POU6F2: variants seen among roughly 807,000 people sequenced by gnomAD.
POU6F2 encodes the protein POU class 6 homeobox 2, also known as POU domain, class 6, transcription factor 2.
Under a neutral mutation model 71.3 loss-of-function variants are expected in POU6F2, and 31 were observed. That is an observed-to-expected ratio of 0.43 (90% CI 0.33 to 0.59). POU6F2 has a LOEUF of 0.59. POU6F2 is among the 20% of genes least tolerant of loss of function. The probability of loss-of-function intolerance (pLI) is 0.04; values close to 1 mark genes in which losing one functional copy is unlikely to be tolerated. For synonymous variants in POU6F2, 347 were observed against 355.7 expected (o/e 0.98, Z 0.27); for missense variants, 783 against 856.8 (o/e 0.91, Z 1.07).
At chr7:39,458,385 CT>C (rs983877426) in intron 8 of POU6F2, among the ~76,000 whole-genome samples, 29 of 71,578 alleles carry the variant, frequency 4.1e-4, no homozygotes, top group South Asian at 1.0e-3. Flanking sequence ...TTAGCAAGTG[CT>C]TTTTTTTTTA....
chr7:39,310,411 G>A (rs1178244861), intron 4 of POU6F2, among the ~76,000 whole-genome samples: 1 of 152,056 alleles, frequency 6.6e-6, no homozygotes, highest in South Asian at 2.1e-4. Flanking sequence ...ACGAGACTCA[G>A]GAACACAAAG....
chr7:39,120,665 T>TA (rs1309956798), intron 2 of POU6F2, among the ~76,000 whole-genome samples: 1 of 152,232 alleles, frequency 6.6e-6, no homozygotes, highest in Non-Finnish European at 1.5e-5. Context: ...ATGAAATCAA[T>TA]GTAGTAGGTT....
chr7:39,290,265 A>G (rs1346630556), intron 4 of POU6F2, among the ~76,000 whole-genome samples: 3 of 152,138 alleles, frequency 2.0e-5, no homozygotes, highest in Non-Finnish European at 4.4e-5. Context: ...ATCCCCATTC[A>G]GAATCCAGAT....
At chr7:39,174,297 C>T (rs1297284005) in intron 2 of POU6F2, among the ~76,000 whole-genome samples, 2 of 152,184 alleles carry the variant, frequency 1.3e-5, no homozygotes, top group African/African-American at 4.8e-5. Flanking sequence ...TTAGAAAACA[C>T]ACCTGGAACC....
chr7:39,060,098 C>A (rs960455780), intron 1 of POU6F2, among the ~76,000 whole-genome samples: 4 of 152,004 alleles, frequency 2.6e-5, no homozygotes, highest in African/African-American at 4.8e-5. Flanking sequence ...ATCCCAGCTA[C>A]TCGAGAGGCT....
intron 4 of POU6F2, among the ~76,000 whole-genome samples, chr7:39,326,474 A>G (rs1394433222): frequency 1.3e-5 from 2 of 152,256 alleles, no homozygotes; most frequent in Non-Finnish European, 2.9e-5. Flanking sequence ...TCAAGAATCA[A>G]TGTTTCCATA....
chr7:39,003,380 G>A (rs1176250628), intron 1 of POU6F2, among the ~76,000 whole-genome samples: 30 of 151,530 alleles, frequency 2.0e-4, no homozygotes, highest in Admixed American at 2.0e-3. Flanking sequence ...GAAATACTCA[G>A]CGACCTGGAT....
intron 1 of POU6F2, among the ~76,000 whole-genome samples, chr7:38,990,914 G>T (rs1206096695): frequency 1.3e-5 from 2 of 152,088 alleles, no homozygotes; most frequent in African/African-American, 4.8e-5. Flanking sequence ...AAGGATACGA[G>T]TTGGAGATTT....
intron 5 of POU6F2, among the ~76,000 whole-genome samples, chr7:39,401,003 G>A (rs1388174570): frequency 2.0e-5 from 3 of 152,128 alleles, no homozygotes; most frequent in Non-Finnish European, 4.4e-5. Flanking sequence ...GTCCCTGCTG[G>A]TGCACTTCCT....
chr7:39,186,941 G>T (rs1309083142), intron 2 of POU6F2, among the ~76,000 whole-genome samples: 1 of 152,160 alleles, frequency 6.6e-6, no homozygotes, highest in African/African-American at 2.4e-5. Context: ...CAGGCCTGCC[G>T]CCTGCTCTGT....
At chr7:39,192,137 A>G (rs1303315164) in intron 2 of POU6F2, among the ~76,000 whole-genome samples, 6 of 152,180 alleles carry the variant, frequency 3.9e-5, no homozygotes, top group Non-Finnish European at 8.8e-5. Flanking sequence ...CTCTATTACC[A>G]TAAGGGTTTG....
intron 7 of POU6F2, among the ~76,000 whole-genome samples, chr7:39,451,054 C>CCA (rs1308352867): frequency 1.3e-5 from 2 of 152,074 alleles, no homozygotes; most frequent in African/African-American, 4.8e-5. Context: ...GAGGAAGTTC[C>CCA]CACACACACT....
intron 1 of POU6F2, among the ~76,000 whole-genome samples, chr7:39,011,021 C>T (rs1273996594): frequency 7.3e-6 from 1 of 137,906 alleles, no homozygotes; most frequent in African/African-American, 2.7e-5. Context: ...GTGGAGAGTT[C>T]TGTAGATGTC....
intron 2 of POU6F2, among the ~76,000 whole-genome samples, chr7:39,127,042 T>A (rs2128728684): frequency 6.6e-6 from 1 of 152,220 alleles, no homozygotes; most frequent in East Asian, 1.9e-4. Context: ...ACAATATATT[T>A]TATTTAACCT....
chr7:39,233,526 A>C (rs1794616283), intron 4 of POU6F2, among the ~76,000 whole-genome samples: 1 of 152,178 alleles, frequency 6.6e-6, no homozygotes, highest in Non-Finnish European at 1.5e-5. Context: ...AGGCTGATCT[A>C]CTTCCCTCCC....
intron 4 of POU6F2, among the ~76,000 whole-genome samples, chr7:39,264,606 C>A (rs1423322873): frequency 6.6e-6 from 1 of 152,212 alleles, no homozygotes; most frequent in Non-Finnish European, 1.5e-5. Context: ...ATTTACCCGT[C>A]TGGCTCCCCT....
At chr7:39,019,341 T>C (rs993620208) in intron 1 of POU6F2, among the ~76,000 whole-genome samples, 5 of 152,324 alleles carry the variant, frequency 3.3e-5, no homozygotes, top group African/African-American at 1.2e-4. Context: ...AAGATAAACA[T>C]TGTAATCTCT....
intron 2 of POU6F2, among the ~76,000 whole-genome samples, chr7:39,133,388 AAG>A (rs1792328470): frequency 6.6e-6 from 1 of 152,346 alleles, no homozygotes; most frequent in East Asian, 1.9e-4. Flanking sequence ...TGCTGTGTAA[AAG>A]AGAGCAGGGC....
chr7:39,098,466 A>AT (rs1554318539), intron 2 of POU6F2, among the ~76,000 whole-genome samples: 3 of 149,882 alleles, frequency 2.0e-5, no homozygotes, highest in African/African-American at 4.9e-5. Flanking sequence ...TTTGCAAGAG[A>AT]GGGGGGGTCT....
Sources: gnomAD v4.1 joint callset for allele counts (sites outside exome capture counted in the v4.1 genomes callset) on GRCh38, gnomAD v4.1.1 for gene constraint, MANE v1.5 for transcripts, NCBI Gene and HGNC (gene_info 2026-07-23, HGNC 2026-07-21) for gene names.